CHRNB3: variants seen among roughly 807,000 people sequenced by gnomAD.
CHRNB3 encodes cholinergic receptor nicotinic beta 3 subunit.
A neutral mutation model predicts 40.6 loss-of-function variants in CHRNB3; 37 were observed. The ratio of observed to expected loss-of-function variants is 0.91; its 90% CI spans 0.70 to 1.20. The LOEUF (loss-of-function observed/expected upper bound fraction) is 1.20, where lower values mean the gene tolerates loss of function less well. Among genes scored for constraint, CHRNB3 ranks in the 50% most tolerant of loss-of-function variants. CHRNB3 has a pLI of 0.00. For missense variants in CHRNB3, 505 were observed against 551.2 expected (o/e 0.92, Z 0.84); for synonymous variants, 207 against 207.1 (o/e 1.00, Z 0.00).
chr8:42,714,341 AAAT>A (rs1188437036), intron 3 of CHRNB3, among the ~76,000 whole-genome samples: 200 of 152,064 alleles, frequency 1.3e-3, no homozygotes, highest in African/African-American at 4.5e-3. Context: ...TAAAAATAAA[AAAT>A]AAAAAAAATT....
At chr8:42,727,707 A>G (rs903507715) in intron 3 of CHRNB3, among the ~76,000 whole-genome samples, 3 of 152,216 alleles carry the variant, frequency 2.0e-5, no homozygotes, top group African/African-American at 7.2e-5. Flanking sequence ...TACTAAAAAT[A>G]CAAAAATCAG....
chr8:42,707,185 T>C (rs1277842051), intron 1 of CHRNB3, among the ~76,000 whole-genome samples: 10 of 152,240 alleles, frequency 6.6e-5, no homozygotes. Flanking sequence ...CCCATGCCTC[T>C]GAGGTGCTGG....
Position 42,736,576 on chromosome 8 carries a change from T to G in CHRNB3, c.1335T>G (p.Ile445Met). 1 of 1,614,206 alleles carries G rather than the reference T, an allele frequency of 6.2e-7. No individual in the cohort carries two copies. Among genetic ancestry groups the G allele is most frequent in the African/African-American group, 1.3e-5 (1 of 75,040 alleles). The change falls in exon 6 of 6, where the codon ATT (isoleucine) becomes ATG (methionine). Residue 445 changes from isoleucine to methionine, a missense_variant. Ile to Met is a conservative substitution (Grantham distance 10). Transcript: ENST00000289957. ...LIVSVTGSVL[I>M]FTPALKMWLH... ...TGTCAGTAACAGGCTCGGTTCTGATTTTTACCCCTGCTTTGAAGATGTGGC... is the reference window on the plus strand; with the variant it reads ...TGTCAGTAACAGGCTCGGTTCTGATGTTTACCCCTGCTTTGAAGATGTGGC...
At chr8:42,699,319 A>G (rs1029442161) in intron 1 of CHRNB3, 2 of 152,210 alleles carry the variant, frequency 1.3e-5, no homozygotes, top group Non-Finnish European at 2.9e-5. Flanking sequence ...TATCTTATTT[A>G]TCTTCCCATC....
chr8:42,736,404 A>G, intron 5 of CHRNB3, 80 bp from the exon 6 acceptor site: 2 of 1,498,182 alleles, frequency 1.3e-6, no homozygotes, highest in South Asian at 2.4e-5. Flanking sequence ...TCTGAATGTT[A>G]CTCTTTTTTA....
intron 1 of CHRNB3, among the ~76,000 whole-genome samples, chr8:42,703,171 C>A (rs1586391466): frequency 6.6e-6 from 1 of 151,988 alleles, no homozygotes; most frequent in Non-Finnish European, 1.5e-5. Context: ...TGCCTGTAAT[C>A]CCAGCACTTT....
intron 3 of CHRNB3, among the ~76,000 whole-genome samples, chr8:42,718,833 A>T (rs1229735234): frequency 6.6e-6 from 1 of 152,098 alleles, no homozygotes; most frequent in Non-Finnish European, 1.5e-5. Context: ...CTAAGAAAAG[A>T]CAATTTTAAG....
intron 1 of CHRNB3, among the ~76,000 whole-genome samples, chr8:42,704,861 T>C (rs558016267): frequency 2.0e-5 from 3 of 152,274 alleles, no homozygotes; most frequent in African/African-American, 7.2e-5. Flanking sequence ...AGTCAGGTGG[T>C]GCAAGCAGCC....
intron 1 of CHRNB3, among the ~76,000 whole-genome samples, chr8:42,706,559 G>C (rs1815925726): frequency 6.6e-6 from 1 of 152,032 alleles, no homozygotes; most frequent in South Asian, 2.1e-4. Flanking sequence ...AGGACATTAA[G>C]ACCCGACGTA....
chr8:42,700,696 T>C (rs1291219210), intron 1 of CHRNB3, among the ~76,000 whole-genome samples: 1 of 152,208 alleles, frequency 6.6e-6, no homozygotes. Context: ...CCTGAAGATT[T>C]TTATGAAATC....
chr8:42,710,442 T>A lies in CHRNB3; in HGVS notation c.249+8T>A. The A allele has an allele frequency of 6.2e-7, 1 of 1,604,810 alleles. No individual in the cohort carries two copies. The highest frequency in any genetic ancestry group is 8.5e-7 in the Non-Finnish European group (1 of 1,173,894). ...AATGTGTGGCTCAAACAGGTAAATT[T>A]CAATCCAAGGATTGTGTCTGCTAAC... On this transcript the variant is annotated splice_region_variant and intron_variant, in intron 3 of 5. Transcript: ENST00000289957.
intron 3 of CHRNB3, chr8:42,725,940 A>G: frequency 2.1e-6 from 2 of 966,900 alleles, no homozygotes; most frequent in South Asian, 1.3e-5. Context: ...AACTCACGCC[A>G]TCAATCCTTT....
chr8:42,715,700 A>T (rs1816087404), intron 3 of CHRNB3, among the ~76,000 whole-genome samples: 1 of 152,136 alleles, frequency 6.6e-6, no homozygotes, highest in Non-Finnish European at 1.5e-5. Flanking sequence ...CAAAGAAAGA[A>T]CTTTATAAAG....
At chr8:42,722,174 G>T (rs1816228933) in intron 3 of CHRNB3, among the ~76,000 whole-genome samples, 1 of 151,996 alleles carries the variant, frequency 6.6e-6, no homozygotes, top group Non-Finnish European at 1.5e-5. Flanking sequence ...AGGAATTCGA[G>T]ACCAGCCTGA....
chr8:42,697,994 A>T (rs1815706154), intron 1 of CHRNB3, among the ~76,000 whole-genome samples: 1 of 152,196 alleles, frequency 6.6e-6, no homozygotes, highest in African/African-American at 2.4e-5. Context: ...CTATATCTGC[A>T]TGTAGATATT....
intron 3 of CHRNB3, among the ~76,000 whole-genome samples, chr8:42,719,111 A>G (rs1816175945): frequency 1.3e-5 from 2 of 152,106 alleles, no homozygotes; most frequent in South Asian, 4.1e-4. Context: ...CTCTTACCCT[A>G]AGAAGGGAGA....
Position 42,732,435 on chromosome 8 carries a change from G to C in CHRNB3, c.1128G>C (p.Lys376Asn). ...TGAAAGGCAAAGTCCTCGAAAAAAA[G>C]AAACAGAAACAGCTTAGTGATGGAG... ...PVVKGKVLEK[K>N]KQKQLSDGEK... Residue 376 changes from lysine to asparagine, a missense_variant, in exon 5 of 6, where the codon AAG becomes AAC. Coordinates refer to ENST00000289957, the MANE Select transcript of CHRNB3 (RefSeq NM_000749.5). 6.2e-6 allele frequency: 10 copies of C among 1,613,976 alleles called. No homozygotes were observed. Among genetic ancestry groups the C allele is most frequent in the African/African-American group, 1.3e-5 (1 of 74,992 alleles).
chr8:42,726,200 G>A lies in CHRNB3; in HGVS notation c.250-4394G>A, dbSNP rs561754256. ...TTTCAGGAGATTTTCTGGAACCAAA[G>A]GGATTTATCTTTGCTCTTGCTCTGC... On this transcript the variant is annotated intron_variant, in intron 3 of 5. Coordinates refer to ENST00000289957, the MANE Select transcript of CHRNB3 (RefSeq NM_000749.5). 28 of 1,003,902 alleles carry A rather than the reference G, an allele frequency of 2.8e-5. No individual in the cohort carries two copies. The Admixed American group carries it at 5.0e-4, about 18-fold the overall frequency. The allele number at this position is 1,003,902 out of a possible 1,614,324, so 62.2% of individuals were successfully genotyped here.
At chr8:42,705,165 T>C (rs2128904715) in intron 1 of CHRNB3, among the ~76,000 whole-genome samples, 1 of 152,324 alleles carries the variant, frequency 6.6e-6, no homozygotes, top group South Asian at 2.1e-4. Context: ...ACAGCTTCTG[T>C]TTGTATCTAA....
Sources: allele counts gnomAD v4.1 joint callset (sites outside exome capture counted in the v4.1 genomes callset), GRCh38; gene constraint gnomAD v4.1.1; transcripts MANE v1.5; gene names NCBI Gene and HGNC (gene_info 2026-07-23, HGNC 2026-07-21).